CDH23: variants seen among roughly 807,000 people sequenced by gnomAD.
The protein encoded by CDH23 is cadherin-23.
Under a neutral mutation model 317.1 loss-of-function variants are expected in CDH23, and 189 were observed. The ratio of observed to expected loss-of-function variants is 0.60; its 90% CI spans 0.53 to 0.67. The LOEUF (loss-of-function observed/expected upper bound fraction) is 0.67. Among genes scored for constraint, CDH23 ranks in the 30% least tolerant of loss-of-function variants. The pLI is 0.00. For missense variants in CDH23, 4,401 were observed against 4,592.4 expected (o/e 0.96, Z 1.20); for synonymous variants, 1,839 against 1,876.8 (o/e 0.98, Z 0.52).
Position 71,805,811 on chromosome 10 carries a change from C to T in CDH23, c.7878C>T (p.Ile2626=). 6.2e-7 allele frequency: 1 copy of T among 1,612,472 alleles called. No individual in the cohort carries two copies. Among genetic ancestry groups the T allele is most frequent in the Non-Finnish European group, 8.5e-7 (1 of 1,179,238 alleles). The change falls in exon 56 of 70, where the codon ATC becomes ATT. Residue 2626 remains isoleucine, a synonymous_variant. Coordinates refer to ENST00000224721, the MANE Select transcript of CDH23 (RefSeq NM_022124.6). ...NGTILHIREE[I]PLRSNVYEVY... The stretch of plus-strand genomic sequence containing the variant: ...CCTCCCCATGCTCCCCACAGGAGAT[C>T]CCGCTGCGCTCCAACGTGTACGAGG...
At chr10:71,717,265 T>C (rs150191036) in intron 28 of CDH23, 4 of 151,948 alleles carry the variant, frequency 2.6e-5, no homozygotes, top group African/African-American at 7.2e-5. Context: ...AGCTTGGTGG[T>C]GGGAAGGCCA....
chr10:71,724,135 G>T (rs190677756), intron 29 of CDH23, 30 bp downstream of exon 29: 26 of 1,550,722 alleles, frequency 1.7e-5, no homozygotes, highest in Non-Finnish European at 2.2e-5. Context: ...GATGGGGGGC[G>T]GTCCTCCTGC....
chr10:71,757,419 G>A (rs1840177172), intron 38 of CDH23, among the ~76,000 whole-genome samples: 1 of 152,224 alleles, frequency 6.6e-6, no homozygotes, highest in Non-Finnish European at 1.5e-5. Flanking sequence ...GGGGCAGAGG[G>A]GCGCAGAGGT....
intron 69 of CDH23, 144 bp from the exon 70 acceptor site, chr10:71,814,808 A>C: frequency 1.1e-6 from 1 of 915,294 alleles, no homozygotes; most frequent in Non-Finnish European, 1.6e-6. Flanking sequence ...TCCCCTTTGC[A>C]GGCAGTTTGA....
At chr10:71,739,088 C>T (rs1416725677) in intron 35 of CDH23, among the ~76,000 whole-genome samples, 3 of 152,092 alleles carry the variant, frequency 2.0e-5, no homozygotes, top group Non-Finnish European at 2.9e-5. Context: ...TCATCTGTTC[C>T]GTGCATTAGG....
At chr10:71,777,635 C>T in intron 38 of CDH23, 45 bp from the exon 39 acceptor site, 4 of 1,548,178 alleles carry the variant, frequency 2.6e-6, no homozygotes, top group Non-Finnish European at 3.5e-6. Context: ...CCACCTTGGT[C>T]CCTCTGGCCA....
intron 16 of CDH23, among the ~76,000 whole-genome samples, chr10:71,678,548 G>A (rs1331436718): frequency 6.6e-6 from 1 of 152,190 alleles, no homozygotes; most frequent in African/African-American, 2.4e-5. Flanking sequence ...TGAAGGCAAG[G>A]CTGGAAGGGT....
intron 6 of CDH23, among the ~76,000 whole-genome samples, chr10:71,515,868 G>A (rs548565044): frequency 7.2e-5 from 11 of 152,314 alleles, no homozygotes; most frequent in African/African-American, 2.6e-4. Context: ...ATAAGTGAAT[G>A]TCTAACTACA....
intron 25 of CDH23, among the ~76,000 whole-genome samples, chr10:71,705,630 C>T (rs1433915980): frequency 6.6e-6 from 1 of 152,204 alleles, no homozygotes; most frequent in African/African-American, 2.4e-5. Flanking sequence ...CCCTAAGATC[C>T]TCATCCCCCT....
At chr10:71,496,719 C>T (rs1178779113) in intron 3 of CDH23, among the ~76,000 whole-genome samples, 1 of 152,134 alleles carries the variant, frequency 6.6e-6, no homozygotes, top group Non-Finnish European at 1.5e-5. Context: ...TCATCAAGAC[C>T]CTGGATATCA....
chr10:71,527,696 G>A (rs1213566383), intron 6 of CDH23, among the ~76,000 whole-genome samples: 1 of 152,182 alleles, frequency 6.6e-6, no homozygotes, highest in Non-Finnish European at 1.5e-5. Context: ...CCAGGCCTGG[G>A]TATGAATTCT....
chr10:71,599,952 CTG>C (rs1860107601), intron 9 of CDH23, among the ~76,000 whole-genome samples: 1 of 148,342 alleles, frequency 6.7e-6, no homozygotes, highest in East Asian at 2.0e-4. Flanking sequence ...TGGAGGGAAA[CTG>C]TGGGAATAGT....
In CDH23 at chr10:71,785,645, T is replaced by C. The variant is rs756919394; in HGVS notation, c.5727T>C (p.Thr1909=). The part of the protein sequence containing the change: ...FFINATTGIV[T]VNRPLDRERI... The stretch of plus-strand genomic sequence containing the variant: ...CCACATCCCAGACAGGGATCGTCAC[T>C]GTGAACCGGCCCCTGGACCGCGAGC... Residue 1909 remains threonine, a synonymous_variant, in exon 44 of 70, where the codon ACT becomes ACC. Coordinates refer to ENST00000224721, the MANE Select transcript of CDH23 (RefSeq NM_022124.6). 25 of 1,600,554 alleles carry C rather than the reference T, an allele frequency of 1.6e-5. No individual in the cohort carries two copies. Among genetic ancestry groups the C allele is most frequent in the South Asian group, 1.5e-4 (13 of 88,278 alleles).
chr10:71,802,849 G>C (rs753837078), intron 53 of CDH23, 49 bp from the exon 54 acceptor site: 2 of 1,604,400 alleles, frequency 1.2e-6, no homozygotes, highest in South Asian at 2.2e-5. Flanking sequence ...GTCCGCTGAG[G>C]CTGCCCCATC....
chr10:71,687,679 G>T lies in CDH23; in HGVS notation c.2019G>T (p.Lys673Asn). 6.2e-7 allele frequency: 1 copy of T among 1,613,858 alleles called. No homozygotes were observed. The highest frequency in any genetic ancestry group is 1.1e-5 in the South Asian group (1 of 91,078). The part of the protein sequence containing the change: ...DENDNPPTFS[K>N]PAYFVSVVEN... ...ATGACAACCCTCCCACCTTCAGCAA[G>T]CCCGCCTACTTCGTCTCCGTGGTGG... The change falls in exon 19 of 70, where the codon AAG (lysine) becomes AAT (asparagine). Residue 673 changes from lysine to asparagine, a missense_variant. Physicochemically the swap from Lys to Asn is moderately conservative, Grantham distance 94. Transcript: ENST00000224721.
At chr10:71,489,857 G>A (rs1308139822) in intron 3 of CDH23, among the ~76,000 whole-genome samples, 1 of 152,076 alleles carries the variant, frequency 6.6e-6, no homozygotes, top group Non-Finnish European at 1.5e-5. Context: ...GGCCATTAGG[G>A]TTACAAATCC....
chr10:71,815,606 A>C lies in CDH23; in HGVS notation c.*328A>C. The C allele has an allele frequency of 4.2e-6, 1 of 236,072 alleles. No individual in the cohort carries two copies. Among genetic ancestry groups the C allele is most frequent in the Non-Finnish European group, 8.2e-6 (1 of 121,228 alleles). 14.6% of individuals were successfully genotyped at this position (236,072 alleles called of 1,614,324 possible). A position where few individuals can be genotyped will look rare whatever the true frequency, so the allele number is the denominator to read the frequency against. On this transcript the variant is annotated 3_prime_UTR_variant, in exon 70 of 70. Coordinates refer to ENST00000224721, the MANE Select transcript of CDH23 (RefSeq NM_022124.6). The stretch of plus-strand genomic sequence containing the variant: ...GGCTCAGGCTGAGCTGAAAGAGGCC[A>C]AACAGGCCCTCCTCCCTCCCAGCTC...
chr10:71,775,042 G>A (rs915355260), intron 38 of CDH23, among the ~76,000 whole-genome samples: 1 of 152,216 alleles, frequency 6.6e-6, no homozygotes, highest in African/African-American at 2.4e-5. Flanking sequence ...CCCAGGATGG[G>A]AGCCCCAGAG....
chr10:71,472,915 T>A lies in CDH23; in HGVS notation c.145+26520T>A, dbSNP rs559789839. ...ATCTTTATTGTTATTAATACCCGAA[T>A]AATGCATTGTTATTTTTATAAACTC... is the stretch of plus-strand genomic sequence containing the variant. On this transcript the variant is annotated intron_variant, in intron 3 of 69. Coordinates refer to ENST00000224721, the MANE Select transcript of CDH23 (RefSeq NM_022124.6). Among the ~76,000 whole-genome samples, 191 of 152,376 alleles carry A rather than the reference T, an allele frequency of 1.3e-3. 3 individuals carry two copies. The highest frequency in any genetic ancestry group is 4.4e-3 in the African/African-American group (185 of 41,594).
Sources: gnomAD v4.1 joint callset for allele counts (sites outside exome capture counted in the v4.1 genomes callset) on GRCh38, gnomAD v4.1.1 for gene constraint, MANE v1.5 for transcripts, NCBI Gene and HGNC (gene_info 2026-07-23, HGNC 2026-07-21) for gene names.